Variants in ABI3 observed in about 807,000 individuals in gnomAD.
ABI3 encodes the protein ABI gene family member 3.
In ABI3, 24 loss-of-function variants were observed where a neutral mutation model predicts 37.0. The observed-to-expected ratio is 0.65, with a 90% CI of 0.47 to 0.91. ABI3 has a LOEUF of 0.91. Among genes scored for constraint, ABI3 ranks in the 40% least tolerant of loss-of-function variants. The probability of loss-of-function intolerance (pLI) is 0.00; values close to 1 mark genes in which losing one functional copy is unlikely to be tolerated. For missense variants in ABI3, 481 were observed against 485.1 expected (o/e 0.99, Z 0.08); for synonymous variants, 220 against 211.8 (o/e 1.04, Z -0.34).
chr17:49,217,908 G>T lies in ABI3; in HGVS notation c.455G>T (p.Gly152Val), dbSNP rs747978813. ...NFGCLDDIGH[G>V]IKDLSTQLSR... ...GGCTGCCTGGACGACATTGGCCATG[G>T]GATCAAGGTAGAGAGAGGGGCCCTC... is the stretch of plus-strand genomic sequence containing the variant. Residue 152 changes from glycine to valine, a missense_variant, in exon 3 of 8, where the codon GGG (glycine) becomes GTG (valine). Coordinates refer to ENST00000225941, the MANE Select transcript of ABI3 (RefSeq NM_016428.3). The T allele has an allele frequency of 8.4e-6, 13 of 1,546,876 alleles. No homozygotes were observed. In the South Asian group the frequency reaches 1.5e-4, roughly 17 times the overall value.
intron 7 of ABI3, 110 bp downstream of exon 7, chr17:49,222,335 C>A: frequency 2.1e-6 from 3 of 1,457,638 alleles, no homozygotes; most frequent in South Asian, 1.4e-5. Context: ...GCCCCCCACA[C>A]AATTTTTCTG....
At chr17:49,222,466 A>G in intron 7 of ABI3, 86 bp from the exon 8 acceptor site, 3 of 1,523,044 alleles carry the variant, frequency 2.0e-6, no homozygotes, top group Non-Finnish European at 2.7e-6. Flanking sequence ...CTAGTACTTG[A>G]GACCGTGCAT....
In ABI3 at chr17:49,210,880, G is replaced by A. The variant is rs2233366; in HGVS notation, c.117+39G>A. The A allele has an allele frequency of 4.0e-3, 6,070 of 1,505,232 alleles. 225 individuals are homozygous for A. In the African/African-American group the frequency reaches 0.074, roughly 18 times the overall value. The allele number at this position is 1,505,232 out of a possible 1,614,324, so 93.2% of individuals were successfully genotyped here. A position where few individuals can be genotyped will look rare whatever the true frequency, so the allele number is the denominator to read the frequency against. On this transcript the variant is annotated intron_variant, in intron 1 of 7. Coordinates refer to ENST00000225941, the MANE Select transcript of ABI3 (RefSeq NM_016428.3). This position sits in a 1 kb window ranked among gnomAD's most constrained non-coding sequence, Gnocchi z 4.2. The stretch of plus-strand genomic sequence containing the variant: ...GCGGAAGCCTGACACCCCAGCCCCC[G>A]GAGGGGGGACCCTGAGCCCTGCCCC...
Position 49,219,454 on chromosome 17 carries a change from C to A in ABI3, c.463-86C>A. 1 of 1,228,172 alleles carries A rather than the reference C, an allele frequency of 8.1e-7. No homozygotes were observed. Among genetic ancestry groups the A allele is most frequent in the Non-Finnish European group, 1.1e-6 (1 of 874,408 alleles). The allele number at this position is 1,228,172 out of a possible 1,614,324, so 76.1% of individuals were successfully genotyped here. A position where few individuals can be genotyped will look rare whatever the true frequency, so the allele number is the denominator to read the frequency against. ...CGGGCTCTCCCTCCCGGTTCCCGTC[C>A]GCCCCTCCTCCATTTCCTCTTGGGG... On this transcript the variant is annotated intron_variant, in intron 3 of 7. Transcript: ENST00000225941. This position sits in a 1 kb window ranked among gnomAD's most constrained non-coding sequence, Gnocchi z 4.3.
Position 49,222,755 on chromosome 17 carries a change from T to G in ABI3, c.*40T>G. 1 of 1,527,398 alleles carries G rather than the reference T, an allele frequency of 6.5e-7. No individual in the cohort carries two copies. Among genetic ancestry groups the G allele is most frequent in the Non-Finnish European group, 8.8e-7 (1 of 1,136,386 alleles). 94.6% of individuals were successfully genotyped at this position (1,527,398 alleles called of 1,614,324 possible). A position where few individuals can be genotyped will look rare whatever the true frequency, so the allele number is the denominator to read the frequency against. On this transcript the variant is annotated 3_prime_UTR_variant, in exon 8 of 8. Transcript: ENST00000225941. ...CTGGGCAGCTGATGTCTGCACTGAGTGGGTTTCATGAGCCCCAAGCCAAAA... is the reference window on the plus strand; with the variant it reads ...CTGGGCAGCTGATGTCTGCACTGAGGGGGTTTCATGAGCCCCAAGCCAAAA...
In ABI3 at chr17:49,221,175, AAAAAT is replaced by A. The variant is rs541665482; in HGVS notation, c.802+858_802+862del. ...GTGACAGAGGGAGATTCCCTCTCAA[AAAAAT>A]AAAATAAAGGCCGGGTGTGGTGGCT... On this transcript the variant is annotated intron_variant, in intron 6 of 7. Transcript: ENST00000225941. 1.9e-3 allele frequency among the ~76,000 whole-genome samples: 295 copies of A among 151,332 alleles called. 2 individuals are homozygous for A. Among genetic ancestry groups the A allele is most frequent in the African/African-American group, 6.6e-3 (272 of 41,172 alleles).
intron 6 of ABI3, among the ~76,000 whole-genome samples, chr17:49,220,615 C>T (rs575368051): frequency 4.6e-5 from 7 of 152,104 alleles, no homozygotes; most frequent in East Asian, 3.9e-4. Context: ...GTGGCCGAGG[C>T]GCGCGGATCA....
At chr17:49,212,990 T>G (rs565822990) in intron 1 of ABI3, among the ~76,000 whole-genome samples, 1 of 152,366 alleles carries the variant, frequency 6.6e-6, no homozygotes, top group South Asian at 2.1e-4. Context: ...ACACACAGTG[T>G]GCACACACAA....
intron 1 of ABI3, among the ~76,000 whole-genome samples, chr17:49,211,543 G>A (rs769722606): frequency 3.0e-4 from 46 of 152,186 alleles, no homozygotes; most frequent in Non-Finnish European, 4.7e-4. Flanking sequence ...TCATTAATCT[G>A]TACAACTACC....
chr17:49,222,488 T>C (rs2143548444), intron 7 of ABI3, 64 bp from the exon 8 acceptor site: 3 of 1,569,696 alleles, frequency 1.9e-6, no homozygotes, highest in East Asian at 4.5e-5. Context: ...CCCATGGTGG[T>C]GGGGGGTGAG....
intron 2 of ABI3, among the ~76,000 whole-genome samples, chr17:49,217,410 C>G (rs1244476540): frequency 1.3e-5 from 2 of 152,284 alleles, no homozygotes; most frequent in Admixed American, 6.5e-5. Flanking sequence ...ATATTCTCCC[C>G]CTCTGCTCCG....
At chr17:49,212,811 A>G (rs1477374182) in intron 1 of ABI3, among the ~76,000 whole-genome samples, 1 of 152,230 alleles carries the variant, frequency 6.6e-6, no homozygotes, top group Non-Finnish European at 1.5e-5. Context: ...CGGTCTGTGT[A>G]GATGTTGAGT....
chr17:49,219,923 C>G lies in ABI3; in HGVS notation c.614C>G (p.Ala205Gly). 1 of 1,556,442 alleles carries G rather than the reference C, an allele frequency of 6.4e-7. No individual in the cohort carries two copies. Among genetic ancestry groups the G allele is most frequent in the Non-Finnish European group, 8.6e-7 (1 of 1,156,438 alleles). The change falls in exon 5 of 8, where the codon GCC becomes GGC. Residue 205 changes from alanine (A) to glycine (G), a missense_variant. Ala to Gly is a moderately conservative substitution (Grantham distance 60). Transcript: ENST00000225941. This position sits in a 1 kb window ranked among gnomAD's most constrained non-coding sequence, Gnocchi z 4.3. The part of the protein sequence containing the change: ...PVVPDGRLSA[A>G]SSAFSLASAG... ...GTGCCCGACGGCAGACTCTCCGCCG[C>G]CTCCTCTGCGTTTTCCCTGGCCTCG...
rs373335673 is a variant in ABI3, at chr17:49,216,721, A to G, written c.285+23A>G. 4.1e-6 allele frequency: 6 copies of G among 1,469,156 alleles called. No individual in the cohort carries two copies. The African/African-American group carries it at 8.6e-5, about 21-fold the overall frequency. The allele number at this position is 1,469,156 out of a possible 1,614,324, so 91.0% of individuals were successfully genotyped here. A position where few individuals can be genotyped will look rare whatever the true frequency, so the allele number is the denominator to read the frequency against. On this transcript the variant is annotated intron_variant, in intron 2 of 7. Transcript: ENST00000225941. ...CAGGTAAGGGGCGTGGGGCGTGGGA[A>G]GGCATCTTGTGTCAGGCCTCAACTC...
At position 49,222,860 on chromosome 17, in the gene ABI3, G is replaced by C; in HGVS notation, c.*145G>C. On this transcript the variant is annotated 3_prime_UTR_variant, in exon 8 of 8. Coordinates refer to ENST00000225941, the MANE Select transcript of ABI3 (RefSeq NM_016428.3). ...GTTCTGTCCTTCCTCCCATCGGAGG[G>C]AGAAGGGGTCCTGGGGAGAGAGAAT... is the stretch of plus-strand genomic sequence containing the variant. The C allele has an allele frequency of 1.1e-6, 1 of 918,962 alleles. No homozygotes were observed. The highest frequency in any genetic ancestry group is 1.6e-6 in the Non-Finnish European group (1 of 628,118). 56.9% of individuals were successfully genotyped at this position (918,962 alleles called of 1,614,324 possible).
intron 6 of ABI3, among the ~76,000 whole-genome samples, chr17:49,220,565 C>T (rs1033432156): frequency 6.6e-6 from 1 of 152,196 alleles, no homozygotes; most frequent in African/African-American, 2.4e-5. Flanking sequence ...TTAATCCTGG[C>T]CGGGCGCGGT....
At chr17:49,222,492 G>A (rs1479479461) in intron 7 of ABI3, 60 bp from the exon 8 acceptor site, 47 of 1,579,768 alleles carry the variant, frequency 3.0e-5, no homozygotes, top group Non-Finnish European at 1.6e-5. Context: ...TGGTGGTGGG[G>A]GGTGAGGGGG....
In ABI3 at chr17:49,222,867, G is replaced by T; in HGVS notation, c.*152G>T. On this transcript the variant is annotated 3_prime_UTR_variant, in exon 8 of 8. Transcript: ENST00000225941. ...CCTTCCTCCCATCGGAGGGAGAAGGGGTCCTGGGGAGAGAGAATTTATCCA... is the reference window on the plus strand; with the variant it reads ...CCTTCCTCCCATCGGAGGGAGAAGGTGTCCTGGGGAGAGAGAATTTATCCA... 2 of 885,612 alleles carry T rather than the reference G, an allele frequency of 2.3e-6. No homozygotes were observed. Among genetic ancestry groups the T allele is most frequent in the Non-Finnish European group, 3.3e-6 (2 of 600,868 alleles). 54.9% of individuals were successfully genotyped at this position (885,612 alleles called of 1,614,324 possible).
At chr17:49,212,058 C>T (rs2043174007) in intron 1 of ABI3, among the ~76,000 whole-genome samples, 1 of 151,840 alleles carries the variant, frequency 6.6e-6, no homozygotes, top group Admixed American at 6.6e-5. Context: ...TTCAAGCAAT[C>T]CTCCCACCTC....
Sources: gnomAD v4.1 joint callset for allele counts (sites outside exome capture counted in the v4.1 genomes callset) on GRCh38, gnomAD v4.1.1 for gene constraint, Gnocchi (gnomAD v3.1) non-coding constraint, MANE v1.5 for transcripts, NCBI Gene and HGNC (gene_info 2026-07-23, HGNC 2026-07-21) for gene names.